LOC128125817: variants seen among roughly 807,000 people sequenced by gnomAD.
At chr1:41,613,042 G>A in the LOC128125817 span, among the ~76,000 whole-genome samples, 1 of 152,234 alleles carries the variant, frequency 6.6e-6, no homozygotes, top group Admixed American at 6.5e-5. Context: ...ACCTGGACAG[G>A]GCAGAGGATT....
the LOC128125817 span, among the ~76,000 whole-genome samples, chr1:41,600,917 T>A: frequency 6.6e-6 from 1 of 152,144 alleles, no homozygotes; most frequent in Non-Finnish European, 1.5e-5. Flanking sequence ...GTACGGTGAT[T>A]TTTATGTATG....
At chr1:41,626,694 T>C in the LOC128125817 span, among the ~76,000 whole-genome samples, 7 of 152,100 alleles carry the variant, frequency 4.6e-5, no homozygotes, top group African/African-American at 1.7e-4. Context: ...ATGGCTGTGA[T>C]AGGCACAGAA....
the LOC128125817 span, among the ~76,000 whole-genome samples, chr1:41,606,373 T>A: frequency 6.6e-6 from 1 of 152,032 alleles, no homozygotes; most frequent in African/African-American, 2.4e-5. Context: ...TTCAGATTTT[T>A]GTTATATGTT....
chr1:41,612,145 C>T, the LOC128125817 span, among the ~76,000 whole-genome samples: 3 of 151,854 alleles, frequency 2.0e-5, no homozygotes, highest in African/African-American at 7.3e-5. Flanking sequence ...TGCCAGGGTT[C>T]AAGCCCCTCC....
At chr1:41,607,185 C>A in the LOC128125817 span, among the ~76,000 whole-genome samples, 3 of 152,074 alleles carry the variant, frequency 2.0e-5, no homozygotes, top group African/African-American at 7.2e-5. Flanking sequence ...TCTACCCACC[C>A]CCTGACTGTC....
the LOC128125817 span, among the ~76,000 whole-genome samples, chr1:41,621,811 C>A: frequency 1.3e-5 from 2 of 152,218 alleles, no homozygotes; most frequent in Admixed American, 6.5e-5. Context: ...AGCCCCCAGG[C>A]CTGGTCAGCC....
At chr1:41,588,550 C>T in the LOC128125817 span, among the ~76,000 whole-genome samples, 1 of 152,260 alleles carries the variant, frequency 6.6e-6, no homozygotes, top group South Asian at 2.1e-4. Flanking sequence ...ATGAAGGAGA[C>T]AGTCAGATGA....
the LOC128125817 span, among the ~76,000 whole-genome samples, chr1:41,627,424 C>G: frequency 5.3e-5 from 8 of 152,172 alleles, no homozygotes; most frequent in African/African-American, 1.9e-4. Flanking sequence ...ACAAACATCC[C>G]CTCTTAAAAT....
At chr1:41,627,169 G>A in the LOC128125817 span, among the ~76,000 whole-genome samples, 1 of 152,210 alleles carries the variant, frequency 6.6e-6, no homozygotes, top group African/African-American at 2.4e-5. Context: ...TGGCCCAACT[G>A]CCCACACACG....
the LOC128125817 span, among the ~76,000 whole-genome samples, chr1:41,618,014 C>G: frequency 5.9e-5 from 9 of 152,208 alleles, no homozygotes; most frequent in Admixed American, 6.5e-5. Flanking sequence ...TTCCCCAGCT[C>G]TCTCTGCCTG....
At chr1:41,591,335 G>C in the LOC128125817 span, among the ~76,000 whole-genome samples, 3 of 152,158 alleles carry the variant, frequency 2.0e-5, no homozygotes. Flanking sequence ...TATTGGGAGA[G>C]ACCTGAGTTC....
At chr1:41,621,858 C>T in the LOC128125817 span, among the ~76,000 whole-genome samples, 2 of 152,312 alleles carry the variant, frequency 1.3e-5, no homozygotes, top group South Asian at 4.1e-4. Flanking sequence ...CTTGGAAAGA[C>T]TTCCTGACCT....
the LOC128125817 span, among the ~76,000 whole-genome samples, chr1:41,623,758 C>T: frequency 0.049 from 7,401 of 152,294 alleles, 639 homozygotes; most frequent in African/African-American, 0.17. Flanking sequence ...CTCACAAACA[C>T]GGCCCATGCT....
chr1:41,609,077 G>A, the LOC128125817 span, among the ~76,000 whole-genome samples: 4 of 151,908 alleles, frequency 2.6e-5, no homozygotes, highest in African/African-American at 9.7e-5. Context: ...AAAAAAAACG[G>A]TTTTCACTGT....
chr1:41,611,537 A>G, the LOC128125817 span, among the ~76,000 whole-genome samples: 2 of 152,256 alleles, frequency 1.3e-5, no homozygotes, highest in African/African-American at 4.8e-5. Context: ...CGAAGGTTCC[A>G]TCATGCGCCC....
the LOC128125817 span, among the ~76,000 whole-genome samples, chr1:41,615,053 G>A: frequency 9.9e-5 from 15 of 152,062 alleles, no homozygotes; most frequent in African/African-American, 3.1e-4. Context: ...TTTGGGAAAC[G>A]TTGTGCCATT....
At chr1:41,608,897 C>G in the LOC128125817 span, among the ~76,000 whole-genome samples, 8 of 146,900 alleles carry the variant, frequency 5.4e-5, no homozygotes, top group East Asian at 2.0e-4. Context: ...ATGGTGAAAC[C>G]CTGTCTCTAC....
the LOC128125817 span, among the ~76,000 whole-genome samples, chr1:41,618,806 C>T: frequency 6.6e-6 from 1 of 152,236 alleles, no homozygotes; most frequent in African/African-American, 2.4e-5. Flanking sequence ...GAAGACTGAA[C>T]AGATGTGTCA....
At chr1:41,611,615 T>A in the LOC128125817 span, among the ~76,000 whole-genome samples, 1 of 152,230 alleles carries the variant, frequency 6.6e-6, no homozygotes, top group Admixed American at 6.5e-5. Context: ...AGTGTGTGTC[T>A]CAACCACTTC....
Sources: gnomAD v4.1 joint callset for allele counts (sites outside exome capture counted in the v4.1 genomes callset) on GRCh38, gnomAD v4.1.1 for gene constraint, MANE v1.5 for transcripts.